The following DDX1 variants were observed in gnomAD, a reference collection of about 807,000 sequenced individuals.
The protein encoded by DDX1 is ATP-dependent RNA helicase DDX1.
In DDX1, 28 loss-of-function variants were observed where a neutral mutation model predicts 108.7. The ratio of observed to expected loss-of-function variants is 0.26; its 90% CI spans 0.19 to 0.35. DDX1 has a LOEUF of 0.35. Ranked by LOEUF, DDX1 falls within the 10% of genes least tolerant of loss-of-function variation. The pLI is 1.00. For synonymous variants in DDX1, 295 were observed against 288.9 expected (o/e 1.02, Z -0.21); for missense variants, 710 against 884.5 (o/e 0.80, Z 2.50).
rs111450793 is a variant in DDX1 at position 15,599,448 on chromosome 2, A to G, written c.260-221A>G. Among the ~76,000 whole-genome samples, 1,319 of 151,714 alleles carry G rather than the reference A, an allele frequency of 8.7e-3. 19 individuals carry two copies. The highest frequency in any genetic ancestry group is 0.029 in the African/African-American group (1,207 of 41,392). On this transcript the variant is annotated intron_variant, in intron 5 of 25. Coordinates refer to ENST00000233084, the MANE Select transcript of DDX1 (RefSeq NM_004939.3). ...CAGCCTCCCGAGTAGCTGGGATTAC[A>G]GTCACACGCCACCATGCCTGGCTAA...
intron 5 of DDX1, 95 bp from the exon 6 acceptor site, chr2:15,599,574 A>T: frequency 2.3e-6 from 2 of 880,738 alleles, no homozygotes; most frequent in Middle Eastern, 6.2e-4. Flanking sequence ...CAGCTTCCCA[A>T]AGTGCTGAGA....
rs192377450 is a variant in DDX1 at position 15,606,877 on chromosome 2, C to A, written c.818-298C>A. On this transcript the variant is annotated intron_variant, in intron 12 of 25. Coordinates refer to ENST00000233084, the MANE Select transcript of DDX1 (RefSeq NM_004939.3). ...CTGTGTCACCCAGGCTGCTGGAGTG[C>A]AGTGGCGCCATCATAGCTCACTGCA... 3.2e-4 allele frequency among the ~76,000 whole-genome samples: 48 copies of A among 152,246 alleles called. 1 individual carries two copies. Among genetic ancestry groups the A allele is most frequent in the Non-Finnish European group, 5.9e-4 (40 of 68,026 alleles).
chr2:15,623,586 A>C lies in DDX1; in HGVS notation c.1594+4A>C. The C allele has an allele frequency of 6.2e-7, 1 of 1,611,576 alleles. No homozygotes were observed. The highest frequency in any genetic ancestry group is 2.2e-5 in the East Asian group (1 of 44,752). ...TACTTTATACAACAAGGAGGAGGTA[A>C]TTTTTTCTCACTTGAAATAAATTGT... On this transcript the variant is annotated splice_donor_region_variant and intron_variant, in intron 19 of 25. Coordinates refer to ENST00000233084, the MANE Select transcript of DDX1 (RefSeq NM_004939.3).
At chr2:15,620,660 A>T (rs969507117) in intron 17 of DDX1, among the ~76,000 whole-genome samples, 1 of 152,158 alleles carries the variant, frequency 6.6e-6, no homozygotes, top group East Asian at 1.9e-4. Flanking sequence ...CTAATTTCAG[A>T]TACAATGATT....
At position 15,607,228 on chromosome 2, in the gene DDX1, A is replaced by C. The variant is rs768141062; in HGVS notation, c.871A>C (p.Ile291Leu). Residue 291 changes from isoleucine (I) to leucine (L), a missense_variant, in exon 13 of 26, where the codon ATT (isoleucine) becomes CTT (leucine). Physicochemically the swap from Ile to Leu is conservative, Grantham distance 5. Around this residue, in one of 3 missense-constraint regions of DDX1, gnomAD observed 661 missense variants for 810.2 expected, o/e 0.82. Coordinates refer to ENST00000233084, the MANE Select transcript of DDX1 (RefSeq NM_004939.3). ...TCTCCCCAATGCTCCGAAAGCTCTCATTGTTGAACCTTCCCGGGAGTTAGC... is the reference window on the plus strand; with the variant it reads ...TCTCCCCAATGCTCCGAAAGCTCTCCTTGTTGAACCTTCCCGGGAGTTAGC... ...KFLPNAPKAL[I>L]VEPSRELAEQ... 35 of 1,613,526 alleles carry C rather than the reference A, an allele frequency of 2.2e-5. No individual in the cohort carries two copies. Among genetic ancestry groups the C allele is most frequent in the Non-Finnish European group, 2.6e-5 (31 of 1,179,574 alleles).
intron 4 of DDX1, 111 bp downstream of exon 4, chr2:15,596,874 A>G (rs1336181183): frequency 1.2e-6 from 1 of 815,834 alleles, no homozygotes; most frequent in Non-Finnish European, 2.0e-6. Context: ...CCAAAAGGTA[A>G]GGAATTAATT....
Position 15,628,877 on chromosome 2 carries a change from G to A in DDX1, c.1875+38G>A, listed in dbSNP as rs1666145294. 4 of 1,577,216 alleles carry A rather than the reference G, an allele frequency of 2.5e-6. No homozygotes were observed. In the African/African-American group the frequency reaches 4.0e-5, roughly 16 times the overall value. ...GGGCTCTATTATATTCATTGTGTGT[G>A]TTGTGATTTTAGATGTTGGAAATAA... On this transcript the variant is annotated intron_variant, in intron 23 of 25. Transcript: ENST00000233084.
intron 1 of DDX1, among the ~76,000 whole-genome samples, chr2:15,594,611 G>A (rs576054527): frequency 6.6e-6 from 1 of 152,172 alleles, no homozygotes; most frequent in African/African-American, 2.4e-5. Flanking sequence ...CAGTTATTCA[G>A]AATTTTGATT....
intron 14 of DDX1, among the ~76,000 whole-genome samples, chr2:15,614,132 A>G (rs1558456371): frequency 1.3e-5 from 2 of 152,308 alleles, no homozygotes; most frequent in Middle Eastern, 3.4e-3. Flanking sequence ...AAGTTTAGGA[A>G]ATTTTTAACT....
In DDX1 at chr2:15,607,225, C is replaced by G. The variant is rs1312427926; in HGVS notation, c.868C>G (p.Leu290Val). 9.9e-6 allele frequency: 16 copies of G among 1,613,848 alleles called. No individual in the cohort carries two copies. The highest frequency in any genetic ancestry group is 4.0e-5 in the African/African-American group (3 of 74,914). ...TKFLPNAPKALIVEPSRELAE... is the reference protein window; with the variant it reads ...TKFLPNAPKAVIVEPSRELAE... ...GTTTCTCCCCAATGCTCCGAAAGCT[C>G]TCATTGTTGAACCTTCCCGGGAGTT... Residue 290 changes from leucine to valine, a missense_variant, in exon 13 of 26, where the codon CTC becomes GTC. Physicochemically the swap from Leu to Val is conservative, Grantham distance 32. Coordinates refer to ENST00000233084, the MANE Select transcript of DDX1 (RefSeq NM_004939.3).
In DDX1 at chr2:15,618,076, C is replaced by G. The variant is rs999985334; in HGVS notation, c.1117-105C>G. The G allele has an allele frequency of 1.5e-5, 9 of 595,800 alleles. 1 individual carries two copies. The South Asian group carries it at 2.7e-4, about 18-fold the overall frequency. 36.9% of individuals were successfully genotyped at this position (595,800 alleles called of 1,614,324 possible). A position where few individuals can be genotyped will look rare whatever the true frequency, so the allele number is the denominator to read the frequency against. On this transcript the variant is annotated intron_variant, in intron 15 of 25. Transcript: ENST00000233084. ...CTATGTATATGCATGAATTAGTTTC[C>G]TTATATTTTGTTTGATTTAGAAAAA...
chr2:15,593,113 G>A (rs964715669), intron 1 of DDX1, among the ~76,000 whole-genome samples: 1 of 151,920 alleles, frequency 6.6e-6, no homozygotes, highest in East Asian at 1.9e-4. Context: ...TAGAGACGGG[G>A]GTTTCACCAT....
chr2:15,597,220 T>C (rs1665516670), intron 4 of DDX1, among the ~76,000 whole-genome samples, 155 bp from the exon 5 acceptor site: 1 of 152,222 alleles, frequency 6.6e-6, no homozygotes, highest in Admixed American at 6.5e-5. Flanking sequence ...TGTTGTCTGA[T>C]GGGTATTTTT....
intron 10 of DDX1, among the ~76,000 whole-genome samples, chr2:15,605,153 G>C (rs1450112564): frequency 6.6e-6 from 1 of 152,120 alleles, no homozygotes; most frequent in Non-Finnish European, 1.5e-5. Flanking sequence ...CAGAGGGGTG[G>C]CATCATCTGT....
intron 12 of DDX1, 110 bp from the exon 13 acceptor site, chr2:15,607,065 G>T: frequency 9.5e-7 from 1 of 1,056,404 alleles, no homozygotes; most frequent in South Asian, 1.7e-5. Flanking sequence ...TCTACTTTTT[G>T]ACAATTATTA....
intron 13 of DDX1, among the ~76,000 whole-genome samples, chr2:15,610,297 C>T (rs757545217): frequency 6.6e-6 from 1 of 152,138 alleles, no homozygotes; most frequent in Non-Finnish European, 1.5e-5. Context: ...CTGTTTTTCT[C>T]TTTTGTCATG....
Position 15,630,050 on chromosome 2 carries a change from A to G in DDX1, c.2032A>G (p.Lys678Glu), listed in dbSNP as rs369172740. Residue 678 changes from lysine (K) to glutamate (E), a missense_variant, in exon 25 of 26, where the codon AAG becomes GAG. Lys to Glu is a moderately conservative substitution (Grantham distance 56). This residue lies in a region of DDX1 where 661 missense variants were observed against 810.2 expected (regional missense o/e 0.82). Transcript: ENST00000233084. ...CATTTCTCAGGTTGAGCCGGATATAAAGGTACCAGTGGATGAATTTGATGG... is the reference window on the plus strand; with the variant it reads ...CATTTCTCAGGTTGAGCCGGATATAGAGGTACCAGTGGATGAATTTGATGG... ...CTISQVEPDI[K>E]VPVDEFDGKV... The G allele has an allele frequency of 3.2e-5, 51 of 1,613,432 alleles. No homozygotes were observed. In the African/African-American group the frequency reaches 6.5e-4, roughly 21 times the overall value.
chr2:15,623,408 G>T (rs372382685), intron 18 of DDX1, 28 bp from the exon 19 acceptor site: 1 of 1,608,628 alleles, frequency 6.2e-7, no homozygotes, highest in South Asian at 1.1e-5. Flanking sequence ...AAATTCTGTT[G>T]GTTTTTGTTG....
In DDX1 at chr2:15,622,253, C is replaced by T. The variant is rs572441359; in HGVS notation, c.1447+1137C>T. 2.8e-4 allele frequency among the ~76,000 whole-genome samples: 43 copies of T among 152,312 alleles called. No homozygotes were observed. The South Asian group carries it at 8.7e-3, about 31-fold the overall frequency. ...TACATTCATATTGTTGTACAATCAT[C>T]ACCACTGTCCATCTCCAGAACTTTT... On this transcript the variant is annotated intron_variant, in intron 18 of 25. Coordinates refer to ENST00000233084, the MANE Select transcript of DDX1 (RefSeq NM_004939.3).
Sources: allele counts gnomAD v4.1 joint callset (sites outside exome capture counted in the v4.1 genomes callset), GRCh38; gene constraint gnomAD v4.1.1; regional missense constraint gnomAD v4.1.1; transcripts MANE v1.5; gene names NCBI Gene and HGNC (gene_info 2026-07-23, HGNC 2026-07-21).